STK3: variants seen among roughly 807,000 people sequenced by gnomAD.
The protein encoded by STK3 is serine/threonine kinase 3.
In STK3, 41 loss-of-function variants were observed where a neutral mutation model predicts 58.0. The ratio of observed to expected loss-of-function variants is 0.71; its 90% CI spans 0.55 to 0.92. The LOEUF (loss-of-function observed/expected upper bound fraction) is 0.92. Ranked by LOEUF, STK3 falls within the 40% of genes least tolerant of loss-of-function variation. STK3 has a pLI of 0.00. For synonymous variants in STK3, 170 were observed against 191.0 expected, an observed-to-expected ratio of 0.89 and a Z score of 0.91; for missense variants, 479 against 602.7, an observed-to-expected ratio of 0.79 and a Z score of 2.15.
At chr8:98,779,600 G>A (rs1298393835) in intron 1 of STK3, among the ~76,000 whole-genome samples, 1 of 152,092 alleles carries the variant, frequency 6.6e-6, no homozygotes, top group Non-Finnish European at 1.5e-5. Context: ...GTTTGGCCTT[G>A]GGTCCCAGCC....
chr8:98,814,179 C>G (rs192522071), intron 1 of STK3, among the ~76,000 whole-genome samples: 82 of 152,176 alleles, frequency 5.4e-4, no homozygotes, highest in Non-Finnish European at 9.3e-4. Context: ...TCCCGAGTAG[C>G]TGGGACTACA....
intron 1 of STK3, among the ~76,000 whole-genome samples, chr8:98,888,575 C>T (rs150362157): frequency 8.9e-4 from 135 of 152,248 alleles, no homozygotes; most frequent in African/African-American, 3.1e-3. Flanking sequence ...GTGTAAACCA[C>T]CAAAACAAAG....
intron 1 of STK3, chr8:98,905,519 G>A: frequency 1.8e-6 from 2 of 1,101,194 alleles, no homozygotes; most frequent in Non-Finnish European, 1.4e-6. Context: ...AGTTGTGTAT[G>A]GTATCCTCAG....
At chr8:98,712,999 T>C (rs1181600381) in intron 4 of STK3, among the ~76,000 whole-genome samples, 1 of 152,154 alleles carries the variant, frequency 6.6e-6, no homozygotes, top group Non-Finnish European at 1.5e-5. Context: ...ACCGCTCAAC[T>C]ACATGGAAAC....
intron 6 of STK3, among the ~76,000 whole-genome samples, chr8:98,649,952 T>C (rs1014055859): frequency 6.6e-6 from 1 of 152,216 alleles, no homozygotes; most frequent in African/African-American, 2.4e-5. Context: ...ACTTCTTTTG[T>C]TAACTTTATT....
At chr8:98,532,015 G>T (rs1826202379) in intron 9 of STK3, among the ~76,000 whole-genome samples, 1 of 152,174 alleles carries the variant, frequency 6.6e-6, no homozygotes, top group Non-Finnish European at 1.5e-5. Context: ...CTCCATATCA[G>T]AAAGAGAAAG....
At chr8:98,523,990 T>C (rs1224308382) in intron 10 of STK3, among the ~76,000 whole-genome samples, 1 of 152,240 alleles carries the variant, frequency 6.6e-6, no homozygotes, top group East Asian at 1.9e-4. Context: ...TTTTATTTCT[T>C]ACTGTAAGAT....
chr8:98,391,998 G>C (rs1188767625), upstream of STK3, among the ~76,000 whole-genome samples: 1 of 152,134 alleles, frequency 6.6e-6, no homozygotes, highest in Non-Finnish European at 1.5e-5. Flanking sequence ...TCTAATTGCA[G>C]TGTCTGACAC....
chr8:98,923,331 A>T (rs1031320107), intron 1 of STK3, among the ~76,000 whole-genome samples: 4 of 152,240 alleles, frequency 2.6e-5, no homozygotes, highest in African/African-American at 9.6e-5. Flanking sequence ...GCTCCAGTGA[A>T]ACAAGAGTAA....
rs551480909 is a variant in STK3 at position 98,586,400 on chromosome 8, T to A, written c.823-6611A>T. 4.2e-4 allele frequency among the ~76,000 whole-genome samples: 63 copies of A among 151,616 alleles called. 1 individual carries two copies. The East Asian group carries it at 9.1e-3, about 22-fold the overall frequency. On this transcript the variant is annotated intron_variant, in intron 7 of 10. Coordinates refer to ENST00000419617, the MANE Select transcript of STK3 (RefSeq NM_006281.4). ...CTCTGTTTATATGCTGGATTACATT[T>A]ATTGATTTGCATATATTGAACCAGC...
At chr8:98,460,764 T>C (rs1413099929) in intron 10 of STK3, among the ~76,000 whole-genome samples, 2 of 152,154 alleles carry the variant, frequency 1.3e-5, no homozygotes, top group Non-Finnish European at 2.9e-5. Flanking sequence ...CACTCTCTAC[T>C]CTCTCCTGCC....
chr8:98,519,408 G>A (rs565196286), intron 10 of STK3, among the ~76,000 whole-genome samples: 7 of 152,102 alleles, frequency 4.6e-5, no homozygotes, highest in East Asian at 1.9e-4. Flanking sequence ...CCTCTTTTTC[G>A]GGGCTACTCT....
chr8:98,869,909 T>C (rs1837305835), intron 3 of STK3, among the ~76,000 whole-genome samples: 1 of 152,016 alleles, frequency 6.6e-6, no homozygotes, highest in Non-Finnish European at 1.5e-5. Flanking sequence ...GTTTGTTACA[T>C]ATGTATACAT....
At chr8:98,797,102 TC>T (rs1833228340) in intron 1 of STK3, among the ~76,000 whole-genome samples, 1 of 152,222 alleles carries the variant, frequency 6.6e-6, no homozygotes. Flanking sequence ...GACACCATCT[TC>T]CAGTAGAAAG....
At chr8:98,705,616 T>C (rs552578378) in intron 6 of STK3, among the ~76,000 whole-genome samples, 2 of 152,292 alleles carry the variant, frequency 1.3e-5, no homozygotes, top group East Asian at 3.9e-4. Flanking sequence ...TTTCTATCTA[T>C]TTACTTCACA....
chr8:98,783,288 C>T (rs1207322221), intron 1 of STK3, among the ~76,000 whole-genome samples: 7 of 152,096 alleles, frequency 4.6e-5, no homozygotes, highest in Admixed American at 6.6e-5. Context: ...GAAAAAACAA[C>T]GTACATACCT....
chr8:98,920,363 T>A (rs1839510230), intron 1 of STK3, among the ~76,000 whole-genome samples: 1 of 152,178 alleles, frequency 6.6e-6, no homozygotes. Context: ...TCATGGAAAT[T>A]AGCAGTAATG....
intron 1 of STK3, among the ~76,000 whole-genome samples, chr8:98,779,572 T>C (rs1157944493): frequency 6.6e-6 from 1 of 152,182 alleles, no homozygotes; most frequent in Non-Finnish European, 1.5e-5. Flanking sequence ...GTGTATAAGG[T>C]AGATACAAAA....
chr8:98,700,317 C>T (rs1363750792), intron 6 of STK3, among the ~76,000 whole-genome samples: 1 of 152,228 alleles, frequency 6.6e-6, no homozygotes, highest in Non-Finnish European at 1.5e-5. Context: ...TTTGCACTTC[C>T]CGAGTGAGGC....
Sources: gnomAD v4.1 joint callset for allele counts (sites outside exome capture counted in the v4.1 genomes callset) on GRCh38, gnomAD v4.1.1 for gene constraint, MANE v1.5 for transcripts, NCBI Gene and HGNC (gene_info 2026-07-23, HGNC 2026-07-21) for gene names.